The following VSIG1 variants were observed in gnomAD, a reference collection of about 807,000 sequenced individuals.
VSIG1 encodes the protein V-set and immunoglobulin domain containing 1, also known as V-set and immunoglobulin domain-containing protein 1.
VSIG1 carries 11 observed loss-of-function variants against 20.1 expected under a neutral mutation model. The ratio of observed to expected loss-of-function variants is 0.55; its 90% CI spans 0.34 to 0.91. The LOEUF (loss-of-function observed/expected upper bound fraction) is 0.91. Among genes scored for constraint, VSIG1 ranks in the 40% least tolerant of loss-of-function variants. The pLI, the probability that VSIG1 is intolerant of heterozygous loss-of-function variation, is 0.02. For missense variants in VSIG1, 283 were observed against 298.8 expected (o/e 0.95, Z 0.39); for synonymous variants, 126 against 116.7 (o/e 1.08, Z -0.52).
At chrX:108,069,601 C>G (rs923097497) in intron 3 of VSIG1, among the ~76,000 whole-genome samples, 4 of 111,416 alleles carry the variant, frequency 3.6e-5, no homozygotes, top group African/African-American at 1.3e-4. Flanking sequence ...AGATGACTCT[C>G]ATAGCAATGT....
intron 2 of VSIG1, among the ~76,000 whole-genome samples, chrX:108,064,093 T>C (rs1340938104): frequency 8.9e-6 from 1 of 112,558 alleles, no homozygotes; most frequent in African/African-American, 3.2e-5. Flanking sequence ...TAGCCCTTCC[T>C]ATATGATTAG....
At position 108,076,138 on chromosome X, in the gene VSIG1, C is replaced by A. The variant is rs989266914; in HGVS notation, c.750C>A (p.Ile250=). The A allele has an allele frequency of 8.3e-7, 1 of 1,211,501 alleles. No homozygotes were observed. The highest frequency in any genetic ancestry group is 1.1e-6 in the Non-Finnish European group (1 of 895,232). ...LIGSLVGAAI[I]ISVVCFARNK... ...GTAGCCTGGTAGGTGCCGCCATCAT[C>A]ATCTCTGTTGTGTGCTTCGCAAGGA... The change falls in exon 6 of 7, where the codon ATC becomes ATA. Residue 250 remains isoleucine, a synonymous_variant. Transcript: ENST00000217957.
At chrX:108,029,490 G>T in the VSIG1 span, among the ~76,000 whole-genome samples, 1 of 112,198 alleles carries the variant, frequency 8.9e-6, no homozygotes, top group Non-Finnish European at 1.9e-5. Flanking sequence ...GATGTGGTCT[G>T]CCAGCCTGTT....
chrX:108,070,831 T>C (rs73251777), intron 3 of VSIG1, among the ~76,000 whole-genome samples: 456 of 112,290 alleles, frequency 4.1e-3, no homozygotes, highest in Non-Finnish European at 6.1e-3. Flanking sequence ...AAGATAGGGC[T>C]AGTAAACTGT....
chrX:108,034,521 T>G, the VSIG1 span, among the ~76,000 whole-genome samples: 23 of 111,443 alleles, frequency 2.1e-4, no homozygotes, highest in East Asian at 6.2e-3. Flanking sequence ...CCAGGTGTTT[T>G]TTTGTTTGTT....
chrX:108,024,849 A>T, the VSIG1 span, among the ~76,000 whole-genome samples: 1 of 111,592 alleles, frequency 9.0e-6, no homozygotes, highest in Non-Finnish European at 1.9e-5. Context: ...ATTCATTGAA[A>T]CTTGTTTTGT....
At chrX:108,027,778 G>A in the VSIG1 span, among the ~76,000 whole-genome samples, 1 of 111,245 alleles carries the variant, frequency 9.0e-6, no homozygotes, top group African/African-American at 3.3e-5. Flanking sequence ...GTGCTTTGGT[G>A]ATGAGAAGGG....
chrX:108,075,943 G>A, intron 5 of VSIG1, 134 bp from the exon 6 acceptor site: 2 of 738,439 alleles, frequency 2.7e-6, no homozygotes, highest in South Asian at 3.4e-5. Context: ...AGTTCTAGGG[G>A]TTTCCATTTC....
At chrX:108,025,198 G>A in the VSIG1 span, among the ~76,000 whole-genome samples, 4 of 111,903 alleles carry the variant, frequency 3.6e-5, no homozygotes, top group African/African-American at 6.5e-5. Flanking sequence ...CAATGGAAAC[G>A]TATCTTTTGG....
the VSIG1 span, among the ~76,000 whole-genome samples, chrX:108,024,882 G>A: frequency 9.0e-6 from 1 of 111,245 alleles, no homozygotes; most frequent in Non-Finnish European, 1.9e-5. Flanking sequence ...GACTTATCTT[G>A]GAGAATGTTT....
At chrX:108,067,753 G>A (rs1323047624) in intron 3 of VSIG1, among the ~76,000 whole-genome samples, 1 of 112,351 alleles carries the variant, frequency 8.9e-6, no homozygotes, top group Non-Finnish European at 1.9e-5. Flanking sequence ...TTGAGTTACA[G>A]TGATGGAGGT....
At chrX:108,053,004 A>G (rs1056794647) in intron 1 of VSIG1, among the ~76,000 whole-genome samples, 1 of 111,658 alleles carries the variant, frequency 9.0e-6, no homozygotes, top group African/African-American at 3.3e-5. Flanking sequence ...TGGCTGATGG[A>G]CTCAATAGAA....
chrX:108,077,457 C>T lies in VSIG1; in HGVS notation c.*76C>T. ...TTGGAATTCAAATAACCTAACCAAC[C>T]TCCACCTCCTCCTTCCATTTTGACC... On this transcript the variant is annotated 3_prime_UTR_variant, in exon 7 of 7. Transcript: ENST00000217957. The T allele has an allele frequency of 9.4e-7, 1 of 1,065,701 alleles. No individual in the cohort carries two copies. Among genetic ancestry groups the T allele is most frequent in the East Asian group, 3.0e-5 (1 of 32,917 alleles). 87.8% of individuals were successfully genotyped at this position (1,065,701 alleles called of 1,213,427 possible).
intron 1 of VSIG1, among the ~76,000 whole-genome samples, chrX:108,055,721 C>A (rs987823471): frequency 3.6e-4 from 40 of 111,664 alleles, no homozygotes; most frequent in Non-Finnish European, 5.1e-4. Context: ...ATGATCATAT[C>A]AACTGATGCA....
intron 1 of VSIG1, among the ~76,000 whole-genome samples, chrX:108,057,504 AC>A (rs762545560): frequency 2.5e-4 from 28 of 112,558 alleles, no homozygotes; most frequent in Admixed American, 1.4e-3. Context: ...ATTGCTGGGA[AC>A]TGGGTAAAGT....
chrX:108,047,022 G>T (rs1237128330), intron 1 of VSIG1, among the ~76,000 whole-genome samples: 7 of 110,440 alleles, frequency 6.3e-5, no homozygotes, highest in Non-Finnish European at 1.3e-4. Context: ...GTCAGAGAAA[G>T]GATCACTTTA....
intron 6 of VSIG1, among the ~76,000 whole-genome samples, chrX:108,076,649 C>T (rs2031353750): frequency 8.9e-6 from 1 of 111,795 alleles, no homozygotes; most frequent in East Asian, 2.8e-4. Flanking sequence ...GTGTGTATCT[C>T]ACTCATTCAT....
At chrX:108,044,832 CA>C (rs2030535330), upstream of VSIG1, 1 of 219,223 alleles carries the variant, frequency 4.6e-6, no homozygotes, top group Admixed American at 7.2e-5. Flanking sequence ...TGATTTTAAA[CA>C]ATGAGACTTA....
chrX:108,050,778 G>A (rs1455496378), intron 1 of VSIG1, among the ~76,000 whole-genome samples: 1 of 111,664 alleles, frequency 9.0e-6, no homozygotes, highest in African/African-American at 3.3e-5. Context: ...GTCTGGACAT[G>A]TAGTACAGAC....
Sources: allele counts gnomAD v4.1 joint callset (sites outside exome capture counted in the v4.1 genomes callset), GRCh38; gene constraint gnomAD v4.1.1; transcripts MANE v1.5; gene names NCBI Gene and HGNC (gene_info 2026-07-23, HGNC 2026-07-21).